Variants in ZNF469 observed in about 807,000 individuals in gnomAD.
ZNF469 encodes zinc finger protein 469.
A neutral mutation model predicts 1.0 loss-of-function variants in ZNF469; 1 was observed. The observed-to-expected ratio is 1.00, with a 90% CI of 0.35 to 4.73. ZNF469 has a LOEUF of 4.73. Among genes scored for constraint, ZNF469 ranks in the 30% most tolerant of loss-of-function variants. ZNF469 has a pLI of 0.16. For missense variants in ZNF469, 6,100 were observed against 5,356.3 expected (o/e 1.14, Z -4.33); for synonymous variants, 2,703 against 2,363.4 (o/e 1.14, Z -4.17).
chr16:88,299,070 G>A, the ZNF469 span, among the ~76,000 whole-genome samples: 2 of 151,930 alleles, frequency 1.3e-5, no homozygotes, highest in Admixed American at 1.3e-4. Flanking sequence ...AGGCCTGCAA[G>A]CCAATGGGGG....
chr16:88,317,238 C>T, the ZNF469 span, among the ~76,000 whole-genome samples: 70 of 152,204 alleles, frequency 4.6e-4, no homozygotes, highest in African/African-American at 1.7e-3. Context: ...GCCTCTCCAG[C>T]GTGATGAACA....
chr16:88,372,429 C>G, the ZNF469 span, among the ~76,000 whole-genome samples: 15 of 147,304 alleles, frequency 1.0e-4, no homozygotes, highest in Admixed American at 2.0e-4. Context: ...CCATCATCAC[C>G]ATCATCATCA....
chr16:88,108,143 G>A, the ZNF469 span, among the ~76,000 whole-genome samples: 1 of 108,432 alleles, frequency 9.2e-6, no homozygotes, highest in South Asian at 2.8e-4. Flanking sequence ...CTGTGGGGAT[G>A]TGGGGATGGG....
chr16:88,251,905 C>A, the ZNF469 span, among the ~76,000 whole-genome samples: 1 of 151,450 alleles, frequency 6.6e-6, no homozygotes, highest in African/African-American at 2.4e-5. Flanking sequence ...AAGCCTGAAT[C>A]CTGGAGATTT....
intron 1 of ZNF469, among the ~76,000 whole-genome samples, chr16:88,393,500 G>A (rs1904547034): frequency 1.3e-5 from 2 of 152,248 alleles, no homozygotes; most frequent in Non-Finnish European, 2.9e-5. Context: ...GGCGGGAGGT[G>A]CCTGGGACCC....
the ZNF469 span, among the ~76,000 whole-genome samples, chr16:88,294,010 C>T: frequency 6.6e-6 from 1 of 152,338 alleles, no homozygotes; most frequent in Non-Finnish European, 1.5e-5. Context: ...CTGCCCAGCT[C>T]CGAGTGCCAG....
At chr16:88,322,145 G>A in the ZNF469 span, among the ~76,000 whole-genome samples, 255 of 152,326 alleles carry the variant, frequency 1.7e-3, 2 homozygotes, top group African/African-American at 5.8e-3. Context: ...GGGCTGCTCC[G>A]ACCCTCCCCG....
the ZNF469 span, among the ~76,000 whole-genome samples, chr16:88,126,882 C>T: frequency 3.2e-3 from 485 of 152,002 alleles, 1 homozygote; most frequent in African/African-American, 0.01. Context: ...TGCAGTGGGG[C>T]GATCTCGGCT....
At chr16:88,227,166 C>T in the ZNF469 span, among the ~76,000 whole-genome samples, 1 of 152,238 alleles carries the variant, frequency 6.6e-6, no homozygotes, top group East Asian at 1.9e-4. Flanking sequence ...GGGATCCCTG[C>T]GGCCAGAGCT....
the ZNF469 span, among the ~76,000 whole-genome samples, chr16:88,233,153 G>C: frequency 6.6e-6 from 1 of 152,238 alleles, no homozygotes; most frequent in Non-Finnish European, 1.5e-5. Flanking sequence ...GTGAAGGCTG[G>C]ATGAACCGCT....
the ZNF469 span, among the ~76,000 whole-genome samples, chr16:88,172,284 A>C: frequency 6.6e-6 from 1 of 152,220 alleles, no homozygotes; most frequent in African/African-American, 2.4e-5. Context: ...ACCCACCCGA[A>C]AGGAGCAGGC....
At chr16:88,164,519 G>A in the ZNF469 span, among the ~76,000 whole-genome samples, 181 of 152,290 alleles carry the variant, frequency 1.2e-3, 2 homozygotes, top group Middle Eastern at 0.01. Flanking sequence ...GCAGATGAAT[G>A]TGTGGGTGGA....
chr16:88,387,732 T>G (rs1904375939), intron 1 of ZNF469, among the ~76,000 whole-genome samples: 1 of 152,152 alleles, frequency 6.6e-6, no homozygotes, highest in African/African-American at 2.4e-5. Context: ...TCAGCGTGTG[T>G]GGGGAACGCT....
chr16:88,251,249 CTG>C, the ZNF469 span, among the ~76,000 whole-genome samples: 2 of 152,202 alleles, frequency 1.3e-5, no homozygotes, highest in Admixed American at 1.3e-4. Flanking sequence ...TGAACTCTCT[CTG>C]TGAAACCCAT....
At chr16:88,282,341 G>T in the ZNF469 span, among the ~76,000 whole-genome samples, 8 of 152,306 alleles carry the variant, frequency 5.3e-5, no homozygotes, top group East Asian at 1.4e-3. Flanking sequence ...TCAAAAGTCA[G>T]CCCTGGGTGA....
chr16:88,267,267 C>T, the ZNF469 span, among the ~76,000 whole-genome samples: 3 of 152,234 alleles, frequency 2.0e-5, no homozygotes, highest in Admixed American at 6.5e-5. Flanking sequence ...CGCCTCCACC[C>T]GTCACCACAT....
the ZNF469 span, among the ~76,000 whole-genome samples, chr16:88,339,786 A>G: frequency 6.5e-5 from 4 of 61,694 alleles, no homozygotes; most frequent in Non-Finnish European, 1.2e-4. Context: ...ACATGGTGGC[A>G]GGGGGATGGG....
Position 88,434,820 on chromosome 16 carries a change from C to G in ZNF469, c.7350C>G (p.Gly2450=), listed in dbSNP as rs1906455109. The change falls in exon 3 of 3, where the codon GGC becomes GGG. Residue 2450 remains glycine (G), a synonymous_variant. Transcript: ENST00000565624. The part of the protein sequence containing the change: ...GPQDLKQRSR[G]YKKKPASTEN... ...AAGACCTCAAACAGAGGTCCCGTGG[C>G]TATAAAAAGAAGCCTGCATCTACAG... 1 of 1,550,336 alleles carries G rather than the reference C, an allele frequency of 6.5e-7. No homozygotes were observed. Among genetic ancestry groups the G allele is most frequent in the African/African-American group, 1.4e-5 (1 of 73,176 alleles).
the ZNF469 span, among the ~76,000 whole-genome samples, chr16:88,334,927 G>A: frequency 3.3e-3 from 501 of 152,106 alleles, 3 homozygotes; most frequent in African/African-American, 0.011. Context: ...TGTGGGAGCC[G>A]TGAAGGAAGA....
Sources: gnomAD v4.1 joint callset for allele counts (sites outside exome capture counted in the v4.1 genomes callset) on GRCh38, gnomAD v4.1.1 for gene constraint, MANE v1.5 for transcripts, NCBI Gene and HGNC (gene_info 2026-07-23, HGNC 2026-07-21) for gene names.